TMEM236: variants seen among roughly 807,000 people sequenced by gnomAD.
TMEM236 encodes the protein family with sequence similarity 23, member A.
TMEM236 carries 11 observed loss-of-function variants against 14.7 expected under a neutral mutation model. That is an observed-to-expected ratio of 0.75 (90% CI 0.47 to 1.24). The LOEUF (loss-of-function observed/expected upper bound fraction) is 1.24, where lower values mean the gene tolerates loss of function less well. Ranked by LOEUF, TMEM236 falls within the 50% of genes most tolerant of loss-of-function variation. TMEM236 has a pLI of 0.00. For synonymous variants in TMEM236, 182 were observed against 168.6 expected, an observed-to-expected ratio of 1.08 and a Z score of -0.62; for missense variants, 464 against 427.3, an observed-to-expected ratio of 1.09 and a Z score of -0.76.
chr10:17,753,936 T>C (rs2131737705), intron 1 of TMEM236, among the ~76,000 whole-genome samples: 1 of 152,322 alleles, frequency 6.6e-6, no homozygotes, highest in South Asian at 2.1e-4. Flanking sequence ...AGCGTAAGGA[T>C]AGAATGTGAC....
Position 17,753,674 on chromosome 10 carries a change from G to A in TMEM236, c.257+1122G>A, listed in dbSNP as rs531287636. On this transcript the variant is annotated intron_variant, in intron 1 of 3. Transcript: ENST00000377495. The stretch of plus-strand genomic sequence containing the variant: ...TGATGGGCATTTAGGTTGGTTTCCT[G>A]TCTTTGCCATTGTGAATAGTACTGC... 3.3e-5 allele frequency among the ~76,000 whole-genome samples: 5 copies of A among 152,266 alleles called. No individual in the cohort carries two copies. The South Asian group carries it at 1.0e-3, about 32-fold the overall frequency.
At chr10:17,774,206 G>A (rs1292092382) in intron 2 of TMEM236, among the ~76,000 whole-genome samples, 5 of 151,940 alleles carry the variant, frequency 3.3e-5, no homozygotes, top group African/African-American at 4.8e-5. Context: ...CACCACACCC[G>A]GCTAATGTTT....
At chr10:17,753,491 A>G (rs934721750) in intron 1 of TMEM236, among the ~76,000 whole-genome samples, 2 of 152,182 alleles carry the variant, frequency 1.3e-5, no homozygotes, top group Non-Finnish European at 1.5e-5. Context: ...AAATGAGAAC[A>G]TGTGGGATTT....
chr10:17,779,167 A>G (rs1249018002), intron 3 of TMEM236, among the ~76,000 whole-genome samples: 2 of 152,170 alleles, frequency 1.3e-5, no homozygotes, highest in South Asian at 2.1e-4. Flanking sequence ...ACTGAATCCC[A>G]TGTATTAACG....
intron 3 of TMEM236, among the ~76,000 whole-genome samples, chr10:17,794,566 A>G (rs1564602376): frequency 6.6e-6 from 1 of 151,816 alleles, no homozygotes; most frequent in South Asian, 2.1e-4. Context: ...CACACACACA[A>G]TGGTGTTGCA....
chr10:17,800,119 C>T lies in TMEM236; in HGVS notation c.*3615C>T, dbSNP rs1259705261. On this transcript the variant is annotated 3_prime_UTR_variant, in exon 4 of 4. Transcript: ENST00000377495. Reference sequence around the variant, plus strand: ...AAGTGGTGGTGCATGCCTGTAATCCCAGCTACTCGGGAGGCTGAATCAGAA... The same window carrying T: ...AAGTGGTGGTGCATGCCTGTAATCCTAGCTACTCGGGAGGCTGAATCAGAA... 6.6e-6 allele frequency: 1 copy of T among 151,276 alleles called. No homozygotes were observed. Among genetic ancestry groups the T allele is most frequent in the Admixed American group, 6.6e-5 (1 of 15,172 alleles). 9.4% of individuals were successfully genotyped at this position (151,276 alleles called of 1,614,324 possible).
chr10:17,768,085 G>GTTTTTTTTTTTTTTTTT lies in TMEM236; in HGVS notation c.258-3224_258-3223insTTTTTTTTTTTTTTTTT, dbSNP rs1181734908. ...ACCACCACACCTCGCTAATTTTTGT[G>GTTTTTTTTTTTTTTTTT]GTTTTTTTTTTTTTTTTTTTTTTGT... is the stretch of plus-strand genomic sequence containing the variant. On this transcript the variant is annotated intron_variant, in intron 1 of 3. Transcript: ENST00000377495. Among the ~76,000 whole-genome samples, 322 of 98,800 alleles carry GTTTTTTTTTTTTTTTTT rather than the reference G, an allele frequency of 3.3e-3. 65 individuals are homozygous for GTTTTTTTTTTTTTTTTT. Among genetic ancestry groups the GTTTTTTTTTTTTTTTTT allele is most frequent in the African/African-American group, 0.011 (285 of 24,794 alleles). The allele number at this position is 98,800 out of a possible 152,430, so 64.8% of individuals were successfully genotyped here.
At chr10:17,788,926 T>G (rs1312725295) in intron 3 of TMEM236, among the ~76,000 whole-genome samples, 5 of 152,202 alleles carry the variant, frequency 3.3e-5, no homozygotes, top group African/African-American at 1.2e-4. Context: ...TGTACACAGT[T>G]TTGAGCACAG....
chr10:17,760,669 G>C (rs1200684386), intron 1 of TMEM236, among the ~76,000 whole-genome samples: 4 of 152,228 alleles, frequency 2.6e-5, no homozygotes, highest in African/African-American at 7.2e-5. Context: ...TCTCATGCTG[G>C]TAATAAAGAC....
chr10:17,775,131 A>G (rs1262986351), intron 2 of TMEM236, among the ~76,000 whole-genome samples: 5 of 152,046 alleles, frequency 3.3e-5, no homozygotes, highest in African/African-American at 9.7e-5. Context: ...CTGGCGCATT[A>G]CCCTGGCTAA....
At chr10:17,771,439 A>G (rs1300814201) in intron 2 of TMEM236, 58 bp downstream of exon 2, 31 of 1,552,280 alleles carry the variant, frequency 2.0e-5, no homozygotes, top group Middle Eastern at 1.7e-4. Flanking sequence ...ATTTCTTGTT[A>G]TTGGAATTTG....
chr10:17,773,972 G>C (rs1405053621), intron 2 of TMEM236, among the ~76,000 whole-genome samples: 1 of 152,080 alleles, frequency 6.6e-6, no homozygotes, highest in African/African-American at 2.4e-5. Context: ...ACTTGTAGAA[G>C]ATTTTGTCAT....
In TMEM236 at chr10:17,798,467, A is replaced by T; in HGVS notation, c.*1963A>T. On this transcript the variant is annotated 3_prime_UTR_variant, in exon 4 of 4. Transcript: ENST00000377495. ...GGCAGGAAGATTGCTTGAGCCCAGG[A>T]GGTCAAGGCTACAGTGAGCTATGAT... is the stretch of plus-strand genomic sequence containing the variant. The T allele has an allele frequency of 2.1e-6, 1 of 475,620 alleles. No individual in the cohort carries two copies. Among genetic ancestry groups the T allele is most frequent in the South Asian group, 1.6e-5 (1 of 61,878 alleles). 29.5% of individuals were successfully genotyped at this position (475,620 alleles called of 1,614,324 possible).
At chr10:17,773,798 TATTTTC>T (rs1220880613) in intron 2 of TMEM236, among the ~76,000 whole-genome samples, 2,974 of 152,332 alleles carry the variant, frequency 0.02, 83 homozygotes, top group African/African-American at 0.067. Context: ...TTGGAAGACT[TATTTTC>T]ATATTCAGAT....
chr10:17,767,451 C>T (rs1159832909), intron 1 of TMEM236, among the ~76,000 whole-genome samples: 1 of 152,098 alleles, frequency 6.6e-6, no homozygotes, highest in Non-Finnish European at 1.5e-5. Flanking sequence ...TAGAGTAAGA[C>T]TCCATCTCAA....
Position 17,796,236 on chromosome 10 carries a change from C to G in TMEM236, c.788C>G (p.Ser263Ter). 6.2e-7 allele frequency: 1 copy of G among 1,613,988 alleles called. No homozygotes were observed. The part of the protein sequence containing the change: ...RVAGHPNVYK[S>*]SWLYPVYIFS... Reference sequence around the variant, plus strand: ...GCTGGTCACCCCAACGTGTACAAGTCAAGCTGGCTATACCCAGTCTACATA... The same window carrying G: ...GCTGGTCACCCCAACGTGTACAAGTGAAGCTGGCTATACCCAGTCTACATA... The change falls in exon 4 of 4, where the codon TCA becomes TGA. Residue 263 changes from serine (S) to a stop codon, truncating the protein, a stop_gained. Coordinates refer to ENST00000377495, the MANE Select transcript of TMEM236 (RefSeq NM_001098844.3). LOFTEE classifies it low-confidence loss of function (END_TRUNC).
intron 3 of TMEM236, among the ~76,000 whole-genome samples, chr10:17,779,851 A>G (rs1453197807): frequency 6.6e-6 from 1 of 151,768 alleles, no homozygotes; most frequent in Admixed American, 6.6e-5. Flanking sequence ...GCTATTTTCT[A>G]CCACTCCTGC....
intron 1 of TMEM236, among the ~76,000 whole-genome samples, chr10:17,769,966 T>C (rs797038943): frequency 0.13 from 20,397 of 152,122 alleles, 1,689 homozygotes; most frequent in African/African-American, 0.23. Flanking sequence ...CAAAAGGTAA[T>C]TTTTCAACCC....
At position 17,770,318 on chromosome 10, in the gene TMEM236, G is replaced by A. The variant is rs565254988; in HGVS notation, c.258-991G>A. Among the ~76,000 whole-genome samples the A allele has an allele frequency of 2.6e-5, 4 of 152,118 alleles. No individual in the cohort carries two copies. In the South Asian group the frequency reaches 8.3e-4, roughly 32 times the overall value. ...TTCATTGTAGAAAACCTTTGAGCAG[G>A]TATCTTTTCTTGTCCCATAAATTAA... is the stretch of plus-strand genomic sequence containing the variant. On this transcript the variant is annotated intron_variant, in intron 1 of 3. Coordinates refer to ENST00000377495, the MANE Select transcript of TMEM236 (RefSeq NM_001098844.3).
Sources: allele counts gnomAD v4.1 joint callset (sites outside exome capture counted in the v4.1 genomes callset), GRCh38; gene constraint gnomAD v4.1.1; transcripts MANE v1.5; gene names NCBI Gene and HGNC (gene_info 2026-07-23, HGNC 2026-07-21).